The following CACNB2 variants were observed in gnomAD, a reference collection of about 807,000 sequenced individuals.
CACNB2 encodes the protein voltage-dependent L-type calcium channel subunit beta-2.
In CACNB2, 42 loss-of-function variants were observed where a neutral mutation model predicts 73.3. The observed-to-expected ratio is 0.57, with a 90% CI of 0.45 to 0.74. The LOEUF (loss-of-function observed/expected upper bound fraction) is 0.74, where lower values mean the gene tolerates loss of function less well. Ranked by LOEUF, CACNB2 falls within the 30% of genes least tolerant of loss-of-function variation. The probability of loss-of-function intolerance (pLI) is 0.00; values close to 1 mark genes in which losing one functional copy is unlikely to be tolerated. For missense variants in CACNB2, 940 were observed against 853.0 expected (o/e 1.10, Z -1.27); for synonymous variants, 348 against 310.3 (o/e 1.12, Z -1.28).
intron 2 of CACNB2, among the ~76,000 whole-genome samples, chr10:18,225,347 G>A (rs543002258): frequency 2.0e-5 from 3 of 152,046 alleles, no homozygotes; most frequent in East Asian, 1.9e-4. Flanking sequence ...CAAACTTTTC[G>A]TAGGTCACCT....
At chr10:18,436,408 A>C (rs889253085) in intron 3 of CACNB2, among the ~76,000 whole-genome samples, 1 of 152,248 alleles carries the variant, frequency 6.6e-6, no homozygotes, top group African/African-American at 2.4e-5. Context: ...TAGCAAAAAC[A>C]AAAATCTAAT....
chr10:18,395,193 CTT>C (rs1332571033), intron 2 of CACNB2, among the ~76,000 whole-genome samples: 2 of 152,314 alleles, frequency 1.3e-5, no homozygotes, highest in Non-Finnish European at 2.9e-5. Context: ...ACACTGACCT[CTT>C]TTCAATTCCT....
intron 3 of CACNB2, among the ~76,000 whole-genome samples, chr10:18,416,219 C>T (rs2044952252): frequency 6.6e-6 from 1 of 152,082 alleles, no homozygotes; most frequent in Non-Finnish European, 1.5e-5. Context: ...ATATTTGTCC[C>T]TTTGTGACTG....
chr10:18,141,539 C>A (rs898831828), intron 1 of CACNB2, among the ~76,000 whole-genome samples: 1 of 152,216 alleles, frequency 6.6e-6, no homozygotes, highest in East Asian at 1.9e-4. Context: ...AAATGTTAGC[C>A]ATTTCAGGGA....
chr10:18,455,691 G>A (rs1390661447), intron 3 of CACNB2, among the ~76,000 whole-genome samples: 3 of 152,188 alleles, frequency 2.0e-5, no homozygotes, highest in African/African-American at 7.2e-5. Flanking sequence ...AGGCACTAAG[G>A]TTCCTTAAGT....
At chr10:18,379,912 C>T (rs773840761) in intron 2 of CACNB2, among the ~76,000 whole-genome samples, 2 of 152,162 alleles carry the variant, frequency 1.3e-5, no homozygotes, top group Non-Finnish European at 2.9e-5. Context: ...GTCTCAGACT[C>T]CTGGGCTCAA....
At chr10:18,425,182 G>A (rs2045531282) in intron 3 of CACNB2, among the ~76,000 whole-genome samples, 1 of 152,062 alleles carries the variant, frequency 6.6e-6, no homozygotes, top group Admixed American at 6.6e-5. Flanking sequence ...TTATTAAATT[G>A]TATTTTTCTA....
intron 2 of CACNB2, among the ~76,000 whole-genome samples, chr10:18,383,747 C>T (rs1396350020): frequency 2.0e-5 from 3 of 151,988 alleles, no homozygotes; most frequent in Middle Eastern, 3.2e-3. Flanking sequence ...GCTCTGTTGC[C>T]CAGGCTAGAG....
rs143326262 is a variant in CACNB2 at position 18,539,252 on chromosome 10, C to T, written c.1511C>T (p.Thr504Ile). The change falls in exon 14 of 14, where the codon ACT becomes ATT. Residue 504 changes from threonine to isoleucine, a missense_variant. Transcript: ENST00000324631. ...NSQGSQGDQR[T>I]DRSAPIRSAS... Reference sequence around the variant, plus strand: ...CAGGGTTCTCAAGGTGATCAGAGGACTGATCGCTCCGCTCCTATCCGTTCT... The same window carrying T: ...CAGGGTTCTCAAGGTGATCAGAGGATTGATCGCTCCGCTCCTATCCGTTCT... 4,467 of 1,614,042 alleles carry T rather than the reference C, an allele frequency of 2.8e-3. 13 individuals carry two copies. The highest frequency in any genetic ancestry group is 3.5e-3 in the Non-Finnish European group (4,185 of 1,180,010).
At chr10:18,187,184 A>C (rs1399392251) in intron 2 of CACNB2, among the ~76,000 whole-genome samples, 3 of 152,148 alleles carry the variant, frequency 2.0e-5, no homozygotes, top group Non-Finnish European at 4.4e-5. Context: ...GGTCAGGAGG[A>C]AGGCCAGTGA....
chr10:18,434,270 G>T (rs1478325104), intron 3 of CACNB2, among the ~76,000 whole-genome samples: 1 of 151,998 alleles, frequency 6.6e-6, no homozygotes, highest in Non-Finnish European at 1.5e-5. Flanking sequence ...GATTTAGTCA[G>T]GAAGACAGAA....
chr10:18,482,546 T>C (rs544827108), intron 3 of CACNB2, among the ~76,000 whole-genome samples: 34 of 152,158 alleles, frequency 2.2e-4, no homozygotes, highest in Admixed American at 3.3e-4. Flanking sequence ...AGTCTCGCTC[T>C]GTCGCCTAGG....
At position 18,361,026 on chromosome 10, in the gene CACNB2, C is replaced by T. The variant is rs148003993; in HGVS notation, c.214-40898C>T. Among the ~76,000 whole-genome samples, 712 of 151,958 alleles carry T rather than the reference C, an allele frequency of 4.7e-3. 3 individuals carry two copies. The highest frequency in any genetic ancestry group is 0.016 in the African/African-American group (677 of 41,442). The stretch of plus-strand genomic sequence containing the variant: ...CATCTCATTGTGGTTTTTTTCCTGC[C>T]TCCTACTTCTCTGAGCATGACCTCT... On this transcript the variant is annotated intron_variant, in intron 2 of 13. Coordinates refer to ENST00000324631, the MANE Select transcript of CACNB2 (RefSeq NM_201596.3).
chr10:18,522,714 C>T (rs528580740), intron 9 of CACNB2, among the ~76,000 whole-genome samples: 76 of 151,896 alleles, frequency 5.0e-4, no homozygotes, highest in African/African-American at 1.8e-3. Flanking sequence ...CTCGTCTCTA[C>T]TAAAGATAAG....
At position 18,247,283 on chromosome 10, in the gene CACNB2, T is replaced by G. The variant is rs546371874; in HGVS notation, c.213+96308T>G. On this transcript the variant is annotated intron_variant, in intron 2 of 13. Coordinates refer to ENST00000324631, the MANE Select transcript of CACNB2 (RefSeq NM_201596.3). ...TAAAGCTGTGTGTGCTTTAGCCACC[T>G]CCTAGACATCGTATCTTTTTCCTTG... Among the ~76,000 whole-genome samples, 26 of 152,310 alleles carry G rather than the reference T, an allele frequency of 1.7e-4. No individual in the cohort carries two copies. The South Asian group carries it at 5.2e-3, about 30-fold the overall frequency.
intron 2 of CACNB2, among the ~76,000 whole-genome samples, chr10:18,162,362 G>A (rs969615145): frequency 2.6e-5 from 4 of 152,092 alleles, no homozygotes; most frequent in African/African-American, 9.7e-5. Context: ...ATGCCCTGCT[G>A]TGGAATTATT....
intron 3 of CACNB2, among the ~76,000 whole-genome samples, chr10:18,461,438 A>G (rs2047570514): frequency 6.6e-6 from 1 of 151,998 alleles, no homozygotes; most frequent in African/African-American, 2.4e-5. Flanking sequence ...TCCAGTGTTC[A>G]TGACTTCCCT....
chr10:18,188,345 C>G (rs2034246409), intron 2 of CACNB2, among the ~76,000 whole-genome samples: 1 of 152,108 alleles, frequency 6.6e-6, no homozygotes. Context: ...GAGTCCCACT[C>G]TGTTGTGCAG....
At chr10:18,410,546 T>C (rs141372073) in intron 3 of CACNB2, among the ~76,000 whole-genome samples, 1 of 152,326 alleles carries the variant, frequency 6.6e-6, no homozygotes, top group East Asian at 1.9e-4. Flanking sequence ...ATATGTCTTA[T>C]TGTGAACATT....
Sources: allele counts gnomAD v4.1 joint callset (sites outside exome capture counted in the v4.1 genomes callset), GRCh38; gene constraint gnomAD v4.1.1; transcripts MANE v1.5; gene names NCBI Gene and HGNC (gene_info 2026-07-23, HGNC 2026-07-21).